The following TECRL variants were observed in gnomAD, a reference collection of about 807,000 sequenced individuals.
TECRL encodes the protein trans-2,3-enoyl-CoA reductase like, also known as trans-2,3-enoyl-CoA reductase-like.
TECRL carries 63 observed loss-of-function variants against 52.8 expected under a neutral mutation model. That is an observed-to-expected ratio of 1.19 (90% CI 0.97 to 1.47). The LOEUF (loss-of-function observed/expected upper bound fraction) is 1.47. Ranked by LOEUF, TECRL falls within the 40% of genes most tolerant of loss-of-function variation. The pLI, the probability that TECRL is intolerant of heterozygous loss-of-function variation, is 0.00. For synonymous variants in TECRL, 164 were observed against 141.9 expected (o/e 1.16, Z -1.10); for missense variants, 482 against 429.6 (o/e 1.12, Z -1.08).
intron 1 of TECRL, chr4:64,397,816 T>C (rs781607718): frequency 6.6e-6 from 1 of 152,152 alleles, no homozygotes; most frequent in Non-Finnish European, 1.5e-5. Context: ...AGCCACTTGG[T>C]ATTTTATATT....
chr4:64,339,339 G>T (rs1397028483), intron 2 of TECRL, among the ~76,000 whole-genome samples: 2 of 150,686 alleles, frequency 1.3e-5, no homozygotes, highest in South Asian at 4.2e-4. Flanking sequence ...TGTGAATGAC[G>T]TAAATGATGA....
chr4:64,288,001 C>T (rs1170742997), intron 9 of TECRL, among the ~76,000 whole-genome samples: 1 of 152,002 alleles, frequency 6.6e-6, no homozygotes, highest in East Asian at 1.9e-4. Context: ...ACAAAATTAG[C>T]TGGGCATGGT....
At chr4:64,341,429 A>G (rs955476368) in intron 2 of TECRL, among the ~76,000 whole-genome samples, 1 of 152,058 alleles carries the variant, frequency 6.6e-6, no homozygotes, top group African/African-American at 2.4e-5. Context: ...GCAAAAACCC[A>G]TCTCTACTAA....
chr4:64,408,296 A>G (rs997819252), intron 1 of TECRL, among the ~76,000 whole-genome samples: 1 of 151,962 alleles, frequency 6.6e-6, no homozygotes, highest in Non-Finnish European at 1.5e-5. Flanking sequence ...AACGTATTCA[A>G]TATTTTTGTA....
At chr4:64,356,657 C>T (rs536043924) in intron 2 of TECRL, among the ~76,000 whole-genome samples, 4 of 152,242 alleles carry the variant, frequency 2.6e-5, no homozygotes, top group South Asian at 4.1e-4. Flanking sequence ...GCTCTCCTAC[C>T]GCATTCCTCT....
chr4:64,358,685 T>C (rs561951485), intron 2 of TECRL, among the ~76,000 whole-genome samples: 1 of 151,716 alleles, frequency 6.6e-6, no homozygotes, highest in Non-Finnish European at 1.5e-5. Flanking sequence ...AATAAACTCA[T>C]TGTATTGAAT....
chr4:64,366,308 T>G (rs1266039245), intron 2 of TECRL, among the ~76,000 whole-genome samples: 1 of 151,974 alleles, frequency 6.6e-6, no homozygotes, highest in East Asian at 1.9e-4. Flanking sequence ...CTGTAAAAAC[T>G]CTGGAAGACA....
chr4:64,319,347 A>T (rs895030972), intron 4 of TECRL, among the ~76,000 whole-genome samples: 1 of 151,812 alleles, frequency 6.6e-6, no homozygotes, highest in Non-Finnish European at 1.5e-5. Flanking sequence ...AAACTACTAA[A>T]CTCATAAGAA....
intron 6 of TECRL, among the ~76,000 whole-genome samples, chr4:64,307,255 A>G (rs968134143): frequency 6.6e-6 from 1 of 152,112 alleles, no homozygotes; most frequent in Non-Finnish European, 1.5e-5. Flanking sequence ...AATTACTTCA[A>G]GGTATTTTCC....
At chr4:64,334,062 ATGTCCTGTGTAAATTGCATTGTCACTTTG>A (rs1718868280) in intron 2 of TECRL, among the ~76,000 whole-genome samples, 1 of 148,344 alleles carries the variant, frequency 6.7e-6, no homozygotes, top group Non-Finnish European at 1.5e-5. Context: ...AAAAGAGAGA[ATGTCCTGTGTAAATTGCATTGTCACTTTG>A]AATATGTTAT....
At chr4:64,287,666 T>C (rs944968176) in intron 9 of TECRL, among the ~76,000 whole-genome samples, 4 of 152,286 alleles carry the variant, frequency 2.6e-5, no homozygotes, top group African/African-American at 9.6e-5. Context: ...TTGTTGAAAT[T>C]TGCTGTTTTA....
chr4:64,359,237 T>C (rs530854348), intron 2 of TECRL, among the ~76,000 whole-genome samples: 1 of 152,070 alleles, frequency 6.6e-6, no homozygotes, highest in South Asian at 2.1e-4. Context: ...TTTCTTTGAT[T>C]ATAGTAACAA....
intron 8 of TECRL, among the ~76,000 whole-genome samples, chr4:64,297,085 C>G (rs934975532): frequency 1.3e-5 from 2 of 151,352 alleles, no homozygotes; most frequent in African/African-American, 4.8e-5. Context: ...AAATAGGAAC[C>G]TGATTTTACA....
chr4:64,401,632 T>G (rs1724367189), intron 1 of TECRL, among the ~76,000 whole-genome samples: 1 of 152,224 alleles, frequency 6.6e-6, no homozygotes, highest in Non-Finnish European at 1.5e-5. Context: ...TTCATGCATT[T>G]TAAGGTTAGC....
intron 1 of TECRL, among the ~76,000 whole-genome samples, chr4:64,388,108 A>T (rs2101206): frequency 0.23 from 34,819 of 151,352 alleles, 4,133 homozygotes; most frequent in Middle Eastern, 0.3. Context: ...TTGTTATACC[A>T]TAAGAGTTCT....
At chr4:64,340,655 A>G (rs1265762167) in intron 2 of TECRL, among the ~76,000 whole-genome samples, 1 of 152,172 alleles carries the variant, frequency 6.6e-6, no homozygotes, top group Non-Finnish European at 1.5e-5. Context: ...CTTGGCATGA[A>G]CAGCCTGGGC....
At chr4:64,287,397 G>A (rs1246319415) in intron 9 of TECRL, among the ~76,000 whole-genome samples, 3 of 152,062 alleles carry the variant, frequency 2.0e-5, no homozygotes, top group Admixed American at 6.6e-5. Context: ...TCTGGAAAAT[G>A]TTTTATATGT....
chr4:64,352,195 A>G (rs1353735364), intron 2 of TECRL, among the ~76,000 whole-genome samples: 3 of 152,220 alleles, frequency 2.0e-5, no homozygotes, highest in Non-Finnish European at 2.9e-5. Flanking sequence ...GAGTCTACCA[A>G]TAACAGACAC....
intron 2 of TECRL, 110 bp downstream of exon 2, chr4:64,375,062 A>T: frequency 2.3e-6 from 1 of 433,678 alleles, no homozygotes; most frequent in Non-Finnish European, 4.0e-6. Context: ...AGCTCCTTGT[A>T]GAACTATGGT....
Sources: gnomAD v4.1 joint callset for allele counts (sites outside exome capture counted in the v4.1 genomes callset) on GRCh38, gnomAD v4.1.1 for gene constraint, MANE v1.5 for transcripts, NCBI Gene and HGNC (gene_info 2026-07-23, HGNC 2026-07-21) for gene names.